WAS: variants seen among roughly 807,000 people sequenced by gnomAD.
WAS encodes WASP actin nucleation promoting factor.
In WAS, 1 loss-of-function variant was observed where a neutral mutation model predicts 38.9. The observed-to-expected ratio is 0.03, with a 90% confidence interval of 0.01 to 0.12. The LOEUF (loss-of-function observed/expected upper bound fraction) is 0.12. Ranked by LOEUF, WAS falls within the 10% of genes least tolerant of loss-of-function variation. The probability of loss-of-function intolerance (pLI) is 1.00; values close to 1 mark genes in which losing one functional copy is unlikely to be tolerated. For synonymous variants in WAS, 182 were observed against 173.6 expected (o/e 1.05, Z -0.38); for missense variants, 311 against 431.2 (o/e 0.72, Z 2.47).
At chrX:48,690,447 C>T (rs1557007610) in intron 11 of WAS, among the ~76,000 whole-genome samples, 1 of 112,530 alleles carries the variant, frequency 8.9e-6, no homozygotes, top group African/African-American at 3.2e-5. Context: ...CCAGGCCTGG[C>T]TGTTAACCTA....
At chrX:48,689,209 A>G (rs1332685716) in intron 10 of WAS, 111 bp from the exon 11 acceptor site, 1 of 940,111 alleles carries the variant, frequency 1.1e-6, no homozygotes, top group Non-Finnish European at 1.5e-6. Context: ...GTTGGTGGGA[A>G]GCCTTGAAGG....
At chrX:48,686,723 T>C in intron 6 of WAS, 58 bp from the exon 7 acceptor site, 1 of 1,186,508 alleles carries the variant, frequency 8.4e-7, no homozygotes, top group Non-Finnish European at 1.1e-6. Context: ...TTCTTGCCCC[T>C]GTGCTTTGGT....
chrX:48,679,814 C>A (rs1248841382), upstream of WAS, among the ~76,000 whole-genome samples: 3 of 112,192 alleles, frequency 2.7e-5, no homozygotes, highest in Non-Finnish European at 5.6e-5. Context: ...ATAAAACAAC[C>A]AGCAGCTGCT....
At chrX:48,676,906 C>T (rs782220010) in intron 1 of WAS, among the ~76,000 whole-genome samples, 1 of 112,800 alleles carries the variant, frequency 8.9e-6, no homozygotes, top group Non-Finnish European at 1.9e-5. Context: ...GTAGACACCC[C>T]TAGGGTCACA....
intron 11 of WAS, among the ~76,000 whole-genome samples, chrX:48,690,810 T>C (rs1490227878): frequency 1.8e-5 from 2 of 111,872 alleles, no homozygotes; most frequent in African/African-American, 6.5e-5. Context: ...GAAGCAATAA[T>C]ATATTATCAC....
Position 48,688,078 on chromosome X carries a change from C to T in WAS, c.759C>T (p.Asp253=). The T allele has an allele frequency of 8.3e-7, 1 of 1,206,971 alleles. No individual in the cohort carries two copies. The highest frequency in any genetic ancestry group is 1.1e-6 in the Non-Finnish European group (1 of 893,095). The change falls in exon 8 of 12, where the codon GAC becomes GAT. Residue 253 remains aspartate (D), a synonymous_variant. Coordinates refer to ENST00000376701, the MANE Select transcript of WAS (RefSeq NM_000377.3). ...GFKHVSHVGW[D]PQNGFDVNNL... ...GGCATGTCAGCCACGTGGGGTGGGACCCCCAGAATGGATTTGACGTGAGTA... is the reference window on the plus strand; with the variant it reads ...GGCATGTCAGCCACGTGGGGTGGGATCCCCAGAATGGATTTGACGTGAGTA...
chrX:48,685,117 T>C (rs2062414976), intron 2 of WAS, among the ~76,000 whole-genome samples: 1 of 110,805 alleles, frequency 9.0e-6, no homozygotes, highest in Non-Finnish European at 1.9e-5. Context: ...GCACTTACTT[T>C]AGCTGGACTC....
In WAS at chrX:48,683,910, G is replaced by A; in HGVS notation, c.57G>A (p.Gln19=). Residue 19 remains glutamine, a synonymous_variant, in exon 1 of 12, where the codon CAG becomes CAA. Coordinates refer to ENST00000376701, the MANE Select transcript of WAS (RefSeq NM_000377.3). Reference sequence around the variant, plus strand: ...GGGGCCGAGGAGCACCAGCGGTTCAGCAGAACATACCCTCCACCCTCCTCC... The same window carrying A: ...GGGGCCGAGGAGCACCAGCGGTTCAACAGAACATACCCTCCACCCTCCTCC... ...RPGGRGAPAV[Q]QNIPSTLLQD... 3.3e-6 allele frequency: 4 copies of A among 1,211,746 alleles called. No individual in the cohort carries two copies. The African/African-American group carries it at 6.9e-5, about 21-fold the overall frequency.
chrX:48,689,207 G>C, intron 10 of WAS, 113 bp from the exon 11 acceptor site: 1 of 938,735 alleles, frequency 1.1e-6, no homozygotes, highest in Non-Finnish European at 1.5e-6. Context: ...AGGTTGGTGG[G>C]AAGCCTTGAA....
At chrX:48,684,031 CCTCTTCCTCTCCTCCTTCTCT>C (rs1569493696) in intron 1 of WAS, 46 bp downstream of exon 1, 31 of 1,179,487 alleles carry the variant, frequency 2.6e-5, no homozygotes, top group Non-Finnish European at 3.2e-5. Flanking sequence ...ACCGTTTCTT[CCTCTTCCTCTCCTCCTTCTCT>C]CTCTTCCCCT....
intron 1 of WAS, among the ~76,000 whole-genome samples, chrX:48,677,528 G>T (rs2062393534): frequency 8.9e-6 from 1 of 112,183 alleles, no homozygotes; most frequent in East Asian, 2.8e-4. Context: ...TTCGCGTTCT[G>T]GATGAGAGAC....
upstream of WAS, among the ~76,000 whole-genome samples, chrX:48,680,960 A>T (rs1438148095): frequency 8.9e-6 from 1 of 111,926 alleles, no homozygotes; most frequent in Non-Finnish European, 1.9e-5. Context: ...GCCGAGAAAG[A>T]AGTAGAAAGG....
intron 6 of WAS, 65 bp downstream of exon 6, chrX:48,686,199 T>C (rs1440176032): frequency 1.0e-5 from 12 of 1,152,335 alleles, no homozygotes; most frequent in Middle Eastern, 2.4e-4. Context: ...GAATGAGGAG[T>C]TGGATGGGTG....
At chrX:48,687,200 AGAGT>A (rs1314643481) in intron 7 of WAS, among the ~76,000 whole-genome samples, 1 of 111,686 alleles carries the variant, frequency 9.0e-6, no homozygotes, top group African/African-American at 3.3e-5. Context: ...CCTGACTCTC[AGAGT>A]GAGTGACTCA....
At chrX:48,689,122 A>T in intron 10 of WAS, 56 bp downstream of exon 10, 1 of 1,125,067 alleles carries the variant, frequency 8.9e-7, no homozygotes, top group South Asian at 1.9e-5. Context: ...TGTCCCGTCT[A>T]AGTCAGGATA....
At position 48,689,722 on chromosome X, in the gene WAS, C is replaced by T. The variant is rs782504692; in HGVS notation, c.1453+288C>T. The T allele has an allele frequency of 1.9e-3, 609 of 315,718 alleles. 2 individuals are homozygous for T. The highest frequency in any genetic ancestry group is 5.0e-3 in the Admixed American group (98 of 19,773). The allele number at this position is 315,718 out of a possible 1,213,427, so 26.0% of individuals were successfully genotyped here. The stretch of plus-strand genomic sequence containing the variant: ...TACTATTAACATCAGCTGGCCGGCG[C>T]GGTGGCTCATGCCTGTAATCCAGGA... On this transcript the variant is annotated intron_variant, in intron 11 of 11. Transcript: ENST00000376701.
At chrX:48,688,185 C>A in intron 8 of WAS, 89 bp downstream of exon 8, 1 of 1,147,490 alleles carries the variant, frequency 8.7e-7, no homozygotes, top group Middle Eastern at 2.3e-4. Flanking sequence ...CAGATCGTGC[C>A]CTTCCCACAC....
upstream of WAS, among the ~76,000 whole-genome samples, chrX:48,682,658 G>A (rs782817462): frequency 1.8e-5 from 2 of 111,503 alleles, no homozygotes; most frequent in African/African-American, 6.5e-5. Context: ...ACTTTGGGAG[G>A]CCGAGGCAGG....
At chrX:48,681,570 A>T (rs1225154927), upstream of WAS, among the ~76,000 whole-genome samples, 3 of 112,725 alleles carry the variant, frequency 2.7e-5, no homozygotes, top group Non-Finnish European at 5.6e-5. Flanking sequence ...ATTGGATATC[A>T]TTACTGAACC....
Sources: gnomAD v4.1 joint callset for allele counts (sites outside exome capture counted in the v4.1 genomes callset) on GRCh38, gnomAD v4.1.1 for gene constraint, MANE v1.5 for transcripts, NCBI Gene and HGNC (gene_info 2026-07-23, HGNC 2026-07-21) for gene names.